The following ZNF644 variants were observed in gnomAD, a reference collection of about 807,000 sequenced individuals.
ZNF644 encodes the protein zinc finger motif enhancer binding protein 2.
In ZNF644, 20 loss-of-function variants were observed where a neutral mutation model predicts 108.0. The observed-to-expected ratio is 0.19, with a 90% CI of 0.13 to 0.27. The LOEUF (loss-of-function observed/expected upper bound fraction) is 0.27. Among genes scored for constraint, ZNF644 ranks in the 10% least tolerant of loss-of-function variants. ZNF644 has a pLI of 1.00. For synonymous variants in ZNF644, 542 were observed against 539.1 expected (o/e 1.01, Z -0.08); for missense variants, 1,338 against 1,548.9 (o/e 0.86, Z 2.29).
Position 90,941,535 on chromosome 1 carries a change from C to T in ZNF644, c.45-226G>A, listed in dbSNP as rs547118237. Among the ~76,000 whole-genome samples, 7 of 152,204 alleles carry T rather than the reference C, an allele frequency of 4.6e-5. No individual in the cohort carries two copies. In the East Asian group the frequency reaches 9.6e-4, roughly 21 times the overall value. ...GCTAGGCAACAACAACAGTCCAATA[C>T]GTCATGTATACAAAATGTCTAGGGA... On this transcript the variant is annotated intron_variant, in intron 2 of 5. Transcript: ENST00000337393.
chr1:90,921,024 G>A (rs991889363), intron 4 of ZNF644, among the ~76,000 whole-genome samples: 5 of 151,972 alleles, frequency 3.3e-5, no homozygotes, highest in Non-Finnish European at 7.4e-5. Flanking sequence ...GTTTAAAATT[G>A]AGTATTTAAC....
chr1:90,955,397 T>C (rs1056099829), intron 2 of ZNF644, among the ~76,000 whole-genome samples: 1 of 152,224 alleles, frequency 6.6e-6, no homozygotes, highest in Non-Finnish European at 1.5e-5. Context: ...TACTTTTCTC[T>C]AGCTATGAAA....
chr1:90,916,665 A>ATGTCACTGTAATTCACT lies in ZNF644; in HGVS notation c.*116_*132dup, dbSNP rs1293312871. On this transcript the variant is annotated 3_prime_UTR_variant, in exon 6 of 6. Coordinates refer to ENST00000337393, the MANE Select transcript of ZNF644 (RefSeq NM_201269.3). Reference sequence around the variant, plus strand: ...TGTTTTAAGTATTCAATTTGCTCTGATGTCACTGTAATTCACTTTCCCCCC... The same window carrying ATGTCACTGTAATTCACT: ...TGTTTTAAGTATTCAATTTGCTCTGATGTCACTGTAATTCACTTGTCACTGTAATTCACTTTCCCCCC... The ATGTCACTGTAATTCACT allele has an allele frequency of 1.1e-6, 1 of 914,760 alleles. No individual in the cohort carries two copies. The highest frequency in any genetic ancestry group is 2.6e-5 in the East Asian group (1 of 38,060). 56.7% of individuals were successfully genotyped at this position (914,760 alleles called of 1,614,324 possible).
intron 1 of ZNF644, among the ~76,000 whole-genome samples, chr1:91,005,277 A>G (rs965199876): frequency 6.6e-6 from 1 of 152,214 alleles, no homozygotes; most frequent in Admixed American, 6.5e-5. Context: ...CATCAAAATT[A>G]CATGCCACTT....
chr1:90,993,469 T>C (rs1433631043), intron 1 of ZNF644, among the ~76,000 whole-genome samples: 1 of 152,190 alleles, frequency 6.6e-6, no homozygotes, highest in Non-Finnish European at 1.5e-5. Context: ...CACAGACTTG[T>C]TCTAATCAAA....
At chr1:90,993,423 A>C (rs1657829368) in intron 1 of ZNF644, among the ~76,000 whole-genome samples, 1 of 152,110 alleles carries the variant, frequency 6.6e-6, no homozygotes. Flanking sequence ...TTCATAAATG[A>C]GCCCAGTCAA....
chr1:90,955,560 C>A (rs2101081052), intron 2 of ZNF644, among the ~76,000 whole-genome samples: 1 of 152,326 alleles, frequency 6.6e-6, no homozygotes, highest in Middle Eastern at 3.4e-3. Context: ...TCACTTTGAG[C>A]TTTTATGTTA....
intron 1 of ZNF644, among the ~76,000 whole-genome samples, chr1:90,983,417 C>T (rs751500528): frequency 4.1e-5 from 6 of 147,946 alleles, no homozygotes; most frequent in Non-Finnish European, 7.4e-5. Context: ...ATAAGCTGAA[C>T]TATTGCCCCA....
intron 2 of ZNF644, among the ~76,000 whole-genome samples, chr1:90,951,603 T>C (rs1653174381): frequency 6.6e-6 from 1 of 152,194 alleles, no homozygotes; most frequent in African/African-American, 2.4e-5. Flanking sequence ...TGGACCACTC[T>C]AGTTAAACTG....
intron 2 of ZNF644, among the ~76,000 whole-genome samples, chr1:90,964,606 T>C (rs1477869946): frequency 1.3e-5 from 2 of 152,162 alleles, no homozygotes; most frequent in Non-Finnish European, 2.9e-5. Flanking sequence ...GTTAATTGCA[T>C]ACAATGTGAT....
intron 4 of ZNF644, among the ~76,000 whole-genome samples, chr1:90,933,166 T>C (rs1365739727): frequency 6.6e-6 from 1 of 152,138 alleles, no homozygotes; most frequent in Non-Finnish European, 1.5e-5. Context: ...TCAGATGAAG[T>C]AAAAGCATTT....
chr1:90,938,716 T>C lies in ZNF644; in HGVS notation c.2638A>G (p.Ser880Gly). ...TTQAIEDETY[S>G]DINQEHVNLF... is the part of the protein sequence containing the mutation. Reference sequence around the variant, plus strand: ...TTTACATGCTCTTGATTAATATCACTATAGGTTTCATCTTCTATGGCCTGT... The same window carrying C: ...TTTACATGCTCTTGATTAATATCACCATAGGTTTCATCTTCTATGGCCTGT... The change falls in exon 3 of 6, where the codon AGT becomes GGT. Residue 880 changes from serine to glycine, a missense_variant. By Grantham distance (56) the Ser-to-Gly change is moderately conservative. Coordinates refer to ENST00000337393, the MANE Select transcript of ZNF644 (RefSeq NM_201269.3). This position sits in a 1 kb window ranked among gnomAD's most constrained non-coding sequence, Gnocchi z 4.2. The C allele has an allele frequency of 6.2e-7, 1 of 1,613,936 alleles. No individual in the cohort carries two copies.
At chr1:91,013,769 TGA>T (rs771313411) in intron 1 of ZNF644, among the ~76,000 whole-genome samples, 3 of 152,150 alleles carry the variant, frequency 2.0e-5, no homozygotes, top group Non-Finnish European at 4.4e-5. Context: ...TAGTCTGAAT[TGA>T]GATGTGCTTT....
intron 2 of ZNF644, chr1:90,973,359 T>C (rs1166060898): frequency 6.6e-6 from 1 of 152,176 alleles, no homozygotes; most frequent in Non-Finnish European, 1.5e-5. Flanking sequence ...TACTAAATTA[T>C]TTTACCACTC....
chr1:90,997,851 T>C (rs1468457118), intron 1 of ZNF644, among the ~76,000 whole-genome samples: 10 of 152,192 alleles, frequency 6.6e-5, no homozygotes, highest in South Asian at 2.1e-4. Context: ...CCCACCATAA[T>C]ACTGCGCTTT....
chr1:91,002,595 A>T (rs1260113168), intron 1 of ZNF644, among the ~76,000 whole-genome samples: 1 of 152,186 alleles, frequency 6.6e-6, no homozygotes, highest in Non-Finnish European at 1.5e-5. Flanking sequence ...AACCTAGGCA[A>T]TACCATTCAG....
chr1:90,937,605 G>A lies in ZNF644; in HGVS notation c.3568C>T (p.Pro1190Ser), dbSNP rs769060766. The A allele has an allele frequency of 8.7e-6, 14 of 1,613,744 alleles. No individual in the cohort carries two copies. In the East Asian group the frequency reaches 1.1e-4, roughly 13 times the overall value. Residue 1190 changes from proline (P) to serine (S), a missense_variant, in exon 4 of 6, where the codon CCT (proline) becomes TCT (serine). Physicochemically the swap from Pro to Ser is moderately conservative, Grantham distance 74. This residue lies in a region of ZNF644 where 287 missense variants were observed against 310.9 expected (regional missense o/e 0.92). Coordinates refer to ENST00000337393, the MANE Select transcript of ZNF644 (RefSeq NM_201269.3). ...GCTGTCTGATTATGGATCTTTTGAG[G>A]AGAAATAGCAGAATTCCTTTCTTCT... Reference protein sequence around the residue: ...MGEERNSAISPQKIHNQTARK... With the variant: ...MGEERNSAISSQKIHNQTARK...
At position 90,939,595 on chromosome 1, in the gene ZNF644, T is replaced by C. The variant is rs146936371; in HGVS notation, c.1759A>G (p.Ile587Val). ...GTAGTAAAAGGACACATCTTACATA[T>C]GTAGGTAGCTGATTTTTTGGATGAT... ...VGSSKKSATY[I>V]CKMCPFTTSA... Residue 587 changes from isoleucine to valine, a missense_variant, in exon 3 of 6, where the codon ATA becomes GTA. This residue lies in a region of ZNF644 where 462 missense variants were observed against 472.6 expected (regional missense o/e 0.98). Transcript: ENST00000337393. 1.5e-5 allele frequency: 24 copies of C among 1,614,082 alleles called. No homozygotes were observed. The East Asian group carries it at 2.0e-4, about 13-fold the overall frequency.
At chr1:90,992,352 G>A (rs1482687563) in intron 1 of ZNF644, among the ~76,000 whole-genome samples, 2 of 147,548 alleles carry the variant, frequency 1.4e-5, no homozygotes, top group African/African-American at 5.0e-5. Flanking sequence ...GTCAAATCTC[G>A]AAGTTAGAAT....
Sources: gnomAD v4.1 joint callset for allele counts (sites outside exome capture counted in the v4.1 genomes callset) on GRCh38, gnomAD v4.1.1 for gene constraint, gnomAD v4.1.1 regional missense constraint, Gnocchi (gnomAD v3.1) non-coding constraint, MANE v1.5 for transcripts, NCBI Gene and HGNC (gene_info 2026-07-23, HGNC 2026-07-21) for gene names.